Variants in PDE1C observed in about 807,000 individuals in gnomAD.
PDE1C encodes the protein dual specificity calcium/calmodulin-dependent 3',5'-cyclic nucleotide phosphodiesterase 1C.
In PDE1C, 62 loss-of-function variants were observed where a neutral mutation model predicts 93.1. The ratio of observed to expected loss-of-function variants is 0.67; its 90% CI spans 0.54 to 0.82. The LOEUF is 0.82. Among genes scored for constraint, PDE1C ranks in the 40% least tolerant of loss-of-function variants. The probability of loss-of-function intolerance (pLI) is 0.00; values close to 1 mark genes in which losing one functional copy is unlikely to be tolerated. For synonymous variants in PDE1C, 325 were observed against 310.1 expected (o/e 1.05, Z -0.50); for missense variants, 742 against 884.6 (o/e 0.84, Z 2.04).
intron 2 of PDE1C, among the ~76,000 whole-genome samples, chr7:32,012,425 C>T (rs551100482): frequency 1.3e-5 from 2 of 152,144 alleles, no homozygotes; most frequent in Non-Finnish European, 2.9e-5. Context: ...CATGAGGGAT[C>T]CACCCTCATG....
At chr7:32,104,192 G>T (rs1316514926) in intron 3 of PDE1C, among the ~76,000 whole-genome samples, 1 of 152,156 alleles carries the variant, frequency 6.6e-6, no homozygotes, top group Non-Finnish European at 1.5e-5. Flanking sequence ...ACACTGCCCA[G>T]TGTAAAGAGA....
intron 7 of PDE1C, 130 bp downstream of exon 7, chr7:31,864,812 C>T: frequency 1.2e-6 from 1 of 865,730 alleles, no homozygotes; most frequent in East Asian, 2.4e-5. Context: ...TTAGATTACT[C>T]CTGGGAAACA....
At chr7:31,950,854 G>C (rs1807270703) in intron 2 of PDE1C, among the ~76,000 whole-genome samples, 1 of 152,106 alleles carries the variant, frequency 6.6e-6, no homozygotes, top group Non-Finnish European at 1.5e-5. Context: ...CATTCACTAG[G>C]TACAGCATAT....
chr7:32,271,715 A>C (rs899141322), intron 1 of PDE1C, among the ~76,000 whole-genome samples: 16 of 152,192 alleles, frequency 1.1e-4, no homozygotes, highest in Non-Finnish European at 2.1e-4. Context: ...AGTCTTAGCA[A>C]CAGGGCCTCC....
intron 3 of PDE1C, among the ~76,000 whole-genome samples, chr7:32,108,230 C>CAAAAAAAAA (rs71559210): frequency 4.7e-4 from 36 of 77,032 alleles, no homozygotes; most frequent in Non-Finnish European, 6.2e-4. Flanking sequence ...AAAAGCAAGA[C>CAAAAAAAAA]AAAAAAAAAA....
intron 2 of PDE1C, among the ~76,000 whole-genome samples, chr7:31,895,933 T>G (rs982999304): frequency 6.6e-6 from 1 of 152,032 alleles, no homozygotes; most frequent in Non-Finnish European, 1.5e-5. Flanking sequence ...CTTTATAAAT[T>G]ACCCAGTGTC....
chr7:31,905,437 C>T (rs1304248379), intron 2 of PDE1C, among the ~76,000 whole-genome samples: 2 of 151,992 alleles, frequency 1.3e-5, no homozygotes, highest in African/African-American at 2.4e-5. Context: ...AAGATTATAC[C>T]TTTTCTTGCA....
chr7:32,342,795 GT>G (rs1405926837), intron 1 of PDE1C, among the ~76,000 whole-genome samples: 2 of 152,138 alleles, frequency 1.3e-5, no homozygotes, highest in Non-Finnish European at 2.9e-5. Flanking sequence ...GCTTAAATAA[GT>G]TAACAAACAT....
chr7:32,237,355 T>A (rs1808184966), intron 1 of PDE1C, among the ~76,000 whole-genome samples: 1 of 152,030 alleles, frequency 6.6e-6, no homozygotes, highest in Non-Finnish European at 1.5e-5. Flanking sequence ...TCATGTAATA[T>A]TCTTAAAAAT....
At chr7:31,690,395 G>T in the PDE1C span, among the ~76,000 whole-genome samples, 528 of 152,270 alleles carry the variant, frequency 3.5e-3, 2 homozygotes, top group African/African-American at 0.012. Flanking sequence ...GGTAAGCTCG[G>T]GGGACAGAGA....
chr7:31,947,394 A>C (rs1441942458), intron 2 of PDE1C, among the ~76,000 whole-genome samples: 1 of 152,244 alleles, frequency 6.6e-6, no homozygotes, highest in Non-Finnish European at 1.5e-5. Context: ...GTTTACAAAT[A>C]AAATTAAACA....
At chr7:32,420,392 TACAC>T (rs371089592) in intron 1 of PDE1C, among the ~76,000 whole-genome samples, 7 of 32,832 alleles carry the variant, frequency 2.1e-4, no homozygotes, top group African/African-American at 7.6e-4. Context: ...TATATATATA[TACAC>T]ACACACACAC....
At chr7:32,028,537 T>A (rs993845317) in intron 2 of PDE1C, among the ~76,000 whole-genome samples, 1 of 152,122 alleles carries the variant, frequency 6.6e-6, no homozygotes, top group African/African-American at 2.4e-5. Context: ...CCAGTATATA[T>A]CCTTCCCATT....
Position 31,828,296 on chromosome 7 carries a change from T to C in PDE1C, c.1281A>G (p.Gln427=), listed in dbSNP as rs776741631. 6.2e-7 allele frequency: 1 copy of C among 1,612,084 alleles called. No homozygotes were observed. The highest frequency in any genetic ancestry group is 1.1e-5 in the South Asian group (1 of 90,976). The change falls in exon 12 of 18, where the codon CAA becomes CAG. Residue 427 remains glutamine (Q), a synonymous_variant. Transcript: ENST00000396191. ...DRKSTMVAQS[Q]VGFIDFIVEP... ...CAAAGAGCTGCAAACACGTACCTAC[T>C]TGTGACTGAGCAACCATAGTGGACT...
chr7:32,157,451 G>A (rs556779683), intron 3 of PDE1C, among the ~76,000 whole-genome samples: 26 of 151,956 alleles, frequency 1.7e-4, no homozygotes, highest in Non-Finnish European at 3.2e-4. Context: ...CCAAAAATAT[G>A]TACAACTATG....
chr7:32,346,335 TG>T (rs35438683), intron 1 of PDE1C, among the ~76,000 whole-genome samples: 2 of 152,246 alleles, frequency 1.3e-5, no homozygotes, highest in Non-Finnish European at 2.9e-5. Context: ...TGCATCACCC[TG>T]GGGGGTCTCC....
the PDE1C span, among the ~76,000 whole-genome samples, chr7:31,627,824 T>C: frequency 5.2e-3 from 797 of 152,234 alleles, 8 homozygotes; most frequent in African/African-American, 0.019. Context: ...AAAAAGGAGA[T>C]TAATTGGAAT....
chr7:32,317,474 C>T (rs1024438387), intron 1 of PDE1C, among the ~76,000 whole-genome samples: 1 of 152,050 alleles, frequency 6.6e-6, no homozygotes, highest in African/African-American at 2.4e-5. Context: ...TTCCAGATAC[C>T]CTCTTCTGAT....
At chr7:32,015,679 A>G (rs1192210083) in intron 2 of PDE1C, among the ~76,000 whole-genome samples, 4 of 152,164 alleles carry the variant, frequency 2.6e-5, no homozygotes, top group Non-Finnish European at 5.9e-5. Flanking sequence ...TAAATCTTCT[A>G]TACATCAAAA....
Sources: allele counts gnomAD v4.1 joint callset (sites outside exome capture counted in the v4.1 genomes callset), GRCh38; gene constraint gnomAD v4.1.1; transcripts MANE v1.5; gene names NCBI Gene and HGNC (gene_info 2026-07-23, HGNC 2026-07-21).